The following GMPPA variants were observed in gnomAD, a reference collection of about 807,000 sequenced individuals.
GMPPA encodes mannose-1-phosphate guanylyltransferase regulatory subunit alpha.
In GMPPA, 46 loss-of-function variants were observed where a neutral mutation model predicts 58.6. The observed-to-expected ratio is 0.78, with a 90% CI of 0.62 to 1.00. GMPPA has a LOEUF of 1.00. Ranked by LOEUF, GMPPA falls within the 50% of genes least tolerant of loss-of-function variation. The pLI, the probability that GMPPA is intolerant of heterozygous loss-of-function variation, is 0.00. For missense variants in GMPPA, 468 were observed against 556.4 expected, an observed-to-expected ratio of 0.84 and a Z score of 1.60; for synonymous variants, 211 against 214.9, an observed-to-expected ratio of 0.98 and a Z score of 0.16.
At position 219,501,499 on chromosome 2, in the gene GMPPA, G is replaced by A. The variant is rs1230468316; in HGVS notation, c.162G>A (p.Leu54=). The A allele has an allele frequency of 6.2e-7, 1 of 1,609,232 alleles. No homozygotes were observed. Among genetic ancestry groups the A allele is most frequent in the Non-Finnish European group, 8.5e-7 (1 of 1,175,546 alleles). The change falls in exon 4 of 13, where the codon CTG becomes CTA. Residue 54 remains leucine, a synonymous_variant. Coordinates refer to ENST00000313597, the MANE Select transcript of GMPPA (RefSeq NM_013335.4). The stretch of plus-strand genomic sequence containing the variant: ...AGGTCCCTGGAATGCAGGAGATTCT[G>A]CTCATTGGCTTCTACCAACCTGATG... ...CAQVPGMQEI[L]LIGFYQPDEP... is the part of the protein sequence containing the mutation.
At position 219,502,284 on chromosome 2, in the gene GMPPA, C is replaced by A; in HGVS notation, c.430-98C>A. On this transcript the variant is annotated intron_variant, in intron 5 of 12. Coordinates refer to ENST00000313597, the MANE Select transcript of GMPPA (RefSeq NM_013335.4). This position sits in a 1 kb window ranked among gnomAD's most constrained non-coding sequence, Gnocchi z 4.0. ...TGCTGAAGGCCTGTCAGTGGCAGAG[C>A]TGCATGCCAGGTGCTGTAGCGGAGG... The A allele has an allele frequency of 1.8e-6, 2 of 1,085,490 alleles. No homozygotes were observed. The highest frequency in any genetic ancestry group is 1.3e-5 in the South Asian group (1 of 76,490). The allele number at this position is 1,085,490 out of a possible 1,614,324, so 67.2% of individuals were successfully genotyped here.
rs1694383613 is a variant in GMPPA at position 219,501,374 on chromosome 2, G to A, written c.139-102G>A. The stretch of plus-strand genomic sequence containing the variant: ...GTGAGTGCCCTGGGGCCCCACAGCT[G>A]AGACTGAAACTGGTTTCTGGACTTT... On this transcript the variant is annotated intron_variant, in intron 3 of 12. Coordinates refer to ENST00000313597, the MANE Select transcript of GMPPA (RefSeq NM_013335.4). 6 of 768,460 alleles carry A rather than the reference G, an allele frequency of 7.8e-6. No individual in the cohort carries two copies. The Admixed American group carries it at 9.3e-5, about 12-fold the overall frequency. The allele number at this position is 768,460 out of a possible 1,614,324, so 47.6% of individuals were successfully genotyped here. A position where few individuals can be genotyped will look rare whatever the true frequency, so the allele number is the denominator to read the frequency against.
chr2:219,505,457 G>A lies in GMPPA; in HGVS notation c.756-1G>A. 2.5e-6 allele frequency: 4 copies of A among 1,580,546 alleles called. No homozygotes were observed. Among genetic ancestry groups the A allele is most frequent in the Non-Finnish European group, 3.4e-6 (4 of 1,162,656 alleles). The stretch of plus-strand genomic sequence containing the variant: ...GCCCCTGTCCCCCTTGCGGTCCCCA[G>A]TTCAGCCCTCTACGCCTCCCGCCTC... On this transcript the variant is annotated splice_acceptor_variant, in intron 8 of 12. Coordinates refer to ENST00000313597, the MANE Select transcript of GMPPA (RefSeq NM_013335.4). LOFTEE classifies it high-confidence loss of function.
intron 7 of GMPPA, chr2:219,504,859 T>G (rs1195498223): frequency 9.2e-7 from 1 of 1,086,430 alleles, no homozygotes; most frequent in Non-Finnish European, 1.1e-6. Context: ...ACCAGCTGCC[T>G]TGCTCTGGGG....
At chr2:219,503,458 A>C (rs1694469074) in intron 6 of GMPPA, among the ~76,000 whole-genome samples, 1 of 152,154 alleles carries the variant, frequency 6.6e-6, no homozygotes, top group Non-Finnish European at 1.5e-5. Context: ...TTCGTGCTTT[A>C]ATATAAAACA....
Position 219,505,744 on chromosome 2 carries a change from G to T in GMPPA, c.883G>T (p.Val295Leu). Reference protein sequence around the residue: ...GNVYIHPTAKVAPSAVLGPNV... With the variant: ...GNVYIHPTAKLAPSAVLGPNV... ...TGTGTACATCCACCCGACCGCCAAG[G>T]TGGCCCCCTCGGCTGTGGTGAGCAC... is the stretch of plus-strand genomic sequence containing the variant. Residue 295 changes from valine (V) to leucine (L), a missense_variant, in exon 10 of 13, where the codon GTG (valine) becomes TTG (leucine). Transcript: ENST00000313597. 6.2e-7 allele frequency: 1 copy of T among 1,609,770 alleles called. No homozygotes were observed. Among genetic ancestry groups the T allele is most frequent in the Non-Finnish European group, 8.5e-7 (1 of 1,179,112 alleles).
In GMPPA at chr2:219,505,387, G is replaced by A; in HGVS notation, c.755+25G>A. On this transcript the variant is annotated intron_variant, in intron 8 of 12. Coordinates refer to ENST00000313597, the MANE Select transcript of GMPPA (RefSeq NM_013335.4). ...GGTATGGAAGGCTGGGTCCCCTGGG[G>A]ATTGAAATTTTGGGGTGGTGGGCAC... 1.9e-6 allele frequency: 3 copies of A among 1,612,292 alleles called. No individual in the cohort carries two copies. The South Asian group carries it at 3.3e-5, about 18-fold the overall frequency.
intron 11 of GMPPA, 88 bp downstream of exon 11, chr2:219,506,160 AC>A: frequency 6.8e-7 from 1 of 1,470,766 alleles, no homozygotes; most frequent in Non-Finnish European, 9.3e-7. Flanking sequence ...AGAAGGGTGA[AC>A]GCCGTGGGCT....
chr2:219,500,334 A>ATTGTCATCTGTGAAT, intron 3 of GMPPA, 116 bp downstream of exon 3: 2 of 701,566 alleles, frequency 2.9e-6, no homozygotes, highest in Non-Finnish European at 5.2e-6. Context: ...CATCATTCAC[A>ATTGTCATCTGTGAAT]GATGACAATG....
Position 219,506,289 on chromosome 2 carries a change from G to T in GMPPA, c.1029G>T (p.Trp343Cys), listed in dbSNP as rs2125643512. The change falls in exon 12 of 13, where the codon TGG (tryptophan) becomes TGT (cysteine). Residue 343 changes from tryptophan (W) to cysteine (C), a missense_variant. Transcript: ENST00000313597. ...GTGTTCTGCATAGCATCGTGGGCTG[G>T]GGGAGCACCGTGGGACGCTGGGCCC... ...HTCVLHSIVG[W>C]GSTVGRWARV... 1 of 1,613,760 alleles carries T rather than the reference G, an allele frequency of 6.2e-7. No homozygotes were observed. Among genetic ancestry groups the T allele is most frequent in the Non-Finnish European group, 8.5e-7 (1 of 1,179,854 alleles).
At chr2:219,505,019 T>C in intron 7 of GMPPA, 1 of 841,164 alleles carries the variant, frequency 1.2e-6, no homozygotes, top group Non-Finnish European at 1.8e-6. Flanking sequence ...TGGGGCTCCC[T>C]TGTGATAGCA....
chr2:219,503,011 C>T (rs1406746727), intron 6 of GMPPA, among the ~76,000 whole-genome samples: 1 of 152,158 alleles, frequency 6.6e-6, no homozygotes, highest in African/African-American at 2.4e-5. Context: ...CTTTGTCTTC[C>T]AGGCTGGAGT....
chr2:219,504,833 G>T lies in GMPPA; in HGVS notation c.621-395G>T. 3 of 1,054,558 alleles carry T rather than the reference G, an allele frequency of 2.8e-6. No homozygotes were observed. The South Asian group carries it at 1.1e-4, about 39-fold the overall frequency. 65.3% of individuals were successfully genotyped at this position (1,054,558 alleles called of 1,614,324 possible). A position where few individuals can be genotyped will look rare whatever the true frequency, so the allele number is the denominator to read the frequency against. On this transcript the variant is annotated intron_variant, in intron 7 of 12. Transcript: ENST00000313597. ...CATCTCTCTCTCCCTTTCTTTCTGT[G>T]ACTGTCTCTGCCCTCACCAGCTGCC...
At chr2:219,505,016 C>T in intron 7 of GMPPA, 2 of 845,292 alleles carry the variant, frequency 2.4e-6, no homozygotes, top group Non-Finnish European at 3.5e-6. Context: ...GCCTGGGGCT[C>T]CCTTGTGATA....
rs1249875808 is a variant in GMPPA at position 219,502,329 on chromosome 2, C to T, written c.430-53C>T. The stretch of plus-strand genomic sequence containing the variant: ...CGGAGGGAAAGAAAGAAAAAACAGA[C>T]GTGGCTGCCCTGGAGCAGGCGGGTC... On this transcript the variant is annotated intron_variant, in intron 5 of 12. Coordinates refer to ENST00000313597, the MANE Select transcript of GMPPA (RefSeq NM_013335.4). The surrounding 1 kb of genome is among the most constrained non-coding windows in gnomAD (Gnocchi z 4.0). The T allele has an allele frequency of 3.4e-5, 51 of 1,507,430 alleles. No individual in the cohort carries two copies. Among genetic ancestry groups the T allele is most frequent in the African/African-American group, 5.5e-5 (4 of 72,844 alleles). 93.4% of individuals were successfully genotyped at this position (1,507,430 alleles called of 1,614,324 possible).
At chr2:219,499,659 G>A (rs1694318716) in intron 1 of GMPPA, 1 of 429,684 alleles carries the variant, frequency 2.3e-6, no homozygotes. Flanking sequence ...GATTTGAGAT[G>A]TGTGGGATTT....
Position 219,502,438 on chromosome 2 carries a change from C to G in GMPPA, c.486C>G (p.His162Gln), listed in dbSNP as rs36029384. ...YGCIVENPQTHEVLHYVEKPS... is the reference protein window; with the variant it reads ...YGCIVENPQTQEVLHYVEKPS... ...GCATCGTTGAGAATCCACAGACACA[C>G]GAGGTGAGAGCAGAGTGGGGGCTGG... Residue 162 changes from histidine to glutamine, a missense_variant, in exon 6 of 13, where the codon CAC becomes CAG. Coordinates refer to ENST00000313597, the MANE Select transcript of GMPPA (RefSeq NM_013335.4). This position sits in a 1 kb window ranked among gnomAD's most constrained non-coding sequence, Gnocchi z 4.0. 658 of 1,613,276 alleles carry G rather than the reference C, an allele frequency of 4.1e-4. 2 individuals are homozygous for G. The African/African-American group carries it at 7.6e-3, about 19-fold the overall frequency.
At chr2:219,500,341 A>G (rs1173369468) in intron 3 of GMPPA, 123 bp downstream of exon 3, 3 of 685,190 alleles carry the variant, frequency 4.4e-6, no homozygotes. Flanking sequence ...CACAGATGAC[A>G]ATGTGAATGG....
At chr2:219,505,581 C>T in intron 9 of GMPPA, 26 bp downstream of exon 9, 4 of 1,568,388 alleles carry the variant, frequency 2.6e-6, no homozygotes, top group Non-Finnish European at 3.5e-6. Flanking sequence ...CAATTCCTAA[C>T]CTTTGGCTTC....
Sources: allele counts gnomAD v4.1 joint callset (sites outside exome capture counted in the v4.1 genomes callset), GRCh38; gene constraint gnomAD v4.1.1; non-coding constraint Gnocchi (gnomAD v3.1); transcripts MANE v1.5; gene names NCBI Gene and HGNC (gene_info 2026-07-23, HGNC 2026-07-21).